The following PSD variants were observed in gnomAD, a reference collection of about 807,000 sequenced individuals.
PSD encodes pleckstrin and Sec7 domain containing.
PSD carries 32 observed loss-of-function variants against 91.6 expected under a neutral mutation model. That is an observed-to-expected ratio of 0.35 (90% CI 0.26 to 0.47). PSD has a LOEUF of 0.47. PSD is among the 20% of genes least tolerant of loss of function. The pLI, the probability that PSD is intolerant of heterozygous loss-of-function variation, is 1.00. For missense variants in PSD, 1,099 were observed against 1,373.9 expected (o/e 0.80, Z 3.16); for synonymous variants, 532 against 569.3 (o/e 0.93, Z 0.93).
At position 102,412,557 on chromosome 10, in the gene PSD, C is replaced by A. The variant is rs1181772651; in HGVS notation, c.1572G>T (p.Gln524His). The change falls in exon 6 of 17, where the codon CAG becomes CAT. Residue 524 changes from glutamine (Q) to histidine (H), a missense_variant. By Grantham distance (24) the Gln-to-His change is conservative (BLOSUM62 0). Coordinates refer to ENST00000020673, the MANE Select transcript of PSD (RefSeq NM_002779.5). ...APLGSEPPLSQLVSDSDSELD... is the reference protein window; with the variant it reads ...APLGSEPPLSHLVSDSDSELD... ...GCTCTGAGTCTGAGTCGGACACCAG[C>A]TGGCTCAGGGGTGGTTCGCTGCCGG... The A allele has an allele frequency of 1.2e-6, 2 of 1,613,026 alleles. No homozygotes were observed. The highest frequency in any genetic ancestry group is 1.7e-6 in the Non-Finnish European group (2 of 1,179,452).
In PSD at chr10:102,410,781, T is replaced by C; in HGVS notation, c.2091+77A>G. On this transcript the variant is annotated intron_variant, in intron 10 of 16. Coordinates refer to ENST00000020673, the MANE Select transcript of PSD (RefSeq NM_002779.5). This position sits in a 1 kb window ranked among gnomAD's most constrained non-coding sequence, Gnocchi z 6.0. The stretch of plus-strand genomic sequence containing the variant: ...CGGCAAGCCCCAGCCCTGCCCTCCC[T>C]CCGACTCTGGACTCCGTCGCCGACT... 3.0e-6 allele frequency: 2 copies of C among 670,892 alleles called. No homozygotes were observed. Among genetic ancestry groups the C allele is most frequent in the Non-Finnish European group, 5.3e-6 (2 of 380,074 alleles). The allele number at this position is 670,892 out of a possible 1,614,324, so 41.6% of individuals were successfully genotyped here.
chr10:102,405,790 A>ACC lies in PSD; in HGVS notation c.2136-255_2136-254insGG. The ACC allele has an allele frequency of 2.0e-6, 1 of 507,368 alleles. No homozygotes were observed. Among genetic ancestry groups the ACC allele is most frequent in the Non-Finnish European group, 3.6e-6 (1 of 281,568 alleles). 31.4% of individuals were successfully genotyped at this position (507,368 alleles called of 1,614,324 possible). On this transcript the variant is annotated intron_variant, in intron 11 of 16. Transcript: ENST00000020673. This position sits in a 1 kb window ranked among gnomAD's most constrained non-coding sequence, Gnocchi z 5.4. ...TCCCTTCCTCCCAGCAAGTAGGGCC[A>ACC]GCACTATCCTCTCCATTGCTGCACA...
rs75779120 is a variant in PSD at position 102,407,277 on chromosome 10, G to A, written c.2092-11C>T. The A allele has an allele frequency of 0.054, 85,057 of 1,569,784 alleles. 2,632 individuals carry two copies. The highest frequency in any genetic ancestry group is 0.072 in the Admixed American group (4,008 of 55,370). ...GGAGCTGTACAAGGCCTGGGGGGTG[G>A]GGGGAACAAATTAGGGGGTTGTGGG... is the stretch of plus-strand genomic sequence containing the variant. On this transcript the variant is annotated splice_polypyrimidine_tract_variant and intron_variant, in intron 10 of 16. Coordinates refer to ENST00000020673, the MANE Select transcript of PSD (RefSeq NM_002779.5).
In PSD at chr10:102,414,059, G is replaced by A. The variant is rs756148380; in HGVS notation, c.1263C>T (p.Thr421=). The part of the protein sequence containing the change: ...ESHRAKGTSY[T]SLASLEALAS... ...CCAAGGCCTCCAGCGAGGCGAGGCTGGTATAGGAGGTGCCTTTGGCCCGGT... is the reference window on the plus strand; with the variant it reads ...CCAAGGCCTCCAGCGAGGCGAGGCTAGTATAGGAGGTGCCTTTGGCCCGGT... The change falls in exon 5 of 17, where the codon ACC becomes ACT. Residue 421 remains threonine, a synonymous_variant. Transcript: ENST00000020673. The surrounding 1 kb of genome is among the most constrained non-coding windows in gnomAD (Gnocchi z 5.6). 1.9e-6 allele frequency: 3 copies of A among 1,614,122 alleles called. No homozygotes were observed. The Admixed American group carries it at 5.0e-5, about 27-fold the overall frequency.
chr10:102,408,259 A>T (rs1384360037), intron 10 of PSD, among the ~76,000 whole-genome samples: 1 of 152,096 alleles, frequency 6.6e-6, no homozygotes, highest in Non-Finnish European at 1.5e-5. Flanking sequence ...CTGTGATGGG[A>T]CACAGCCTCC....
chr10:102,413,920 A>C lies in PSD; in HGVS notation c.1402T>G (p.Ser468Ala). ...CCATCAGCAGCAGAGCTGGTACCAGAATCCGGTTCAAGAGGGGCAAGTGGG... is the reference window on the plus strand; with the variant it reads ...CCATCAGCAGCAGAGCTGGTACCAGCATCCGGTTCAAGAGGGGCAAGTGGG... ...PAPLAPLEPDSGTSSAADGPW... is the reference protein window; with the variant it reads ...PAPLAPLEPDAGTSSAADGPW... The change falls in exon 5 of 17, where the codon TCT (serine) becomes GCT (alanine). Residue 468 changes from serine to alanine, a missense_variant. This residue lies in a region of PSD where 631 missense variants were observed against 728.8 expected (regional missense o/e 0.87). Coordinates refer to ENST00000020673, the MANE Select transcript of PSD (RefSeq NM_002779.5). 6.2e-7 allele frequency: 1 copy of C among 1,613,872 alleles called. No homozygotes were observed. The highest frequency in any genetic ancestry group is 1.7e-5 in the Admixed American group (1 of 60,010).
In PSD at chr10:102,416,589, C is replaced by G. The variant is rs1589894627; in HGVS notation, c.450G>C (p.Arg150=). 1 of 1,593,312 alleles carries G rather than the reference C, an allele frequency of 6.3e-7. No individual in the cohort carries two copies. Among genetic ancestry groups the G allele is most frequent in the Admixed American group, 1.7e-5 (1 of 57,440 alleles). ...ALGPGSNRKL[R]LEASTSDPLP... Reference sequence around the variant, plus strand: ...GTGGGTCTGATGTGGATGCTTCCAGCCGTAACTTCCGGTTGGAGCCAGGCC... The same window carrying G: ...GTGGGTCTGATGTGGATGCTTCCAGGCGTAACTTCCGGTTGGAGCCAGGCC... Residue 150 remains arginine (R), a synonymous_variant, in exon 2 of 17, where the codon CGG becomes CGC. Transcript: ENST00000020673. The surrounding 1 kb of genome is among the most constrained non-coding windows in gnomAD (Gnocchi z 6.0).
At position 102,402,737 on chromosome 10, in the gene PSD, C is replaced by T. The variant is rs2061293152; in HGVS notation, c.*463G>A. 3.6e-6 allele frequency: 1 copy of T among 274,998 alleles called. No homozygotes were observed. The highest frequency in any genetic ancestry group is 6.9e-6 in the Non-Finnish European group (1 of 145,948). 17.0% of individuals were successfully genotyped at this position (274,998 alleles called of 1,614,324 possible). On this transcript the variant is annotated 3_prime_UTR_variant, in exon 17 of 17. Transcript: ENST00000020673. ...AGGTATGGGGCCTTGGCATGGACGC[C>T]CTTCCTCCACCTCCAGCAAGAGAAA...
chr10:102,415,857 T>C (rs2061472976), intron 3 of PSD, among the ~76,000 whole-genome samples, 160 bp downstream of exon 3: 1 of 152,166 alleles, frequency 6.6e-6, no homozygotes, highest in Non-Finnish European at 1.5e-5. Flanking sequence ...CAGCCTCCCA[T>C]CATAGCGCAG....
chr10:102,412,722 A>T, intron 5 of PSD, 147 bp from the exon 6 acceptor site: 1 of 708,428 alleles, frequency 1.4e-6, no homozygotes. Context: ...AGGGAAGGAG[A>T]TTAGATTCTC....
intron 8 of PSD, 30 bp from the exon 9 acceptor site, chr10:102,411,146 T>G: frequency 6.3e-7 from 1 of 1,585,696 alleles, no homozygotes; most frequent in Admixed American, 1.7e-5. Context: ...CAGCCTTGGC[T>G]GCCTCCCAGG....
rs12260430 is a variant in PSD at position 102,410,447 on chromosome 10, T to C, written c.2091+411A>G. Among the ~76,000 whole-genome samples the C allele has an allele frequency of 0.27, 40,408 of 152,138 alleles. 6,094 individuals carry two copies. The highest frequency in any genetic ancestry group is 0.4 in the African/African-American group (16,574 of 41,498). The stretch of plus-strand genomic sequence containing the variant: ...CAGCGCAGCAGCACCGGGAAGGTCT[T>C]TTTGGCTGTCCACGCGGCGGGGGAG... On this transcript the variant is annotated intron_variant, in intron 10 of 16. Coordinates refer to ENST00000020673, the MANE Select transcript of PSD (RefSeq NM_002779.5). This position sits in a 1 kb window ranked among gnomAD's most constrained non-coding sequence, Gnocchi z 6.0.
rs754885321 is a variant in PSD at position 102,416,972 on chromosome 10, G to A, written c.67C>T (p.Arg23Cys). Reference sequence around the variant, plus strand: ...ACCGGGCCTTCGGGGAGCCAGCGGCGTGGGCATCGTGGTGGGGAGATGGCA... The same window carrying A: ...ACCGGGCCTTCGGGGAGCCAGCGGCATGGGCATCGTGGTGGGGAGATGGCA... Reference protein sequence around the residue: ...DCAISPPRCPRRWLPEGPVPQ... With the variant: ...DCAISPPRCPCRWLPEGPVPQ... Residue 23 changes from arginine (R) to cysteine (C), a missense_variant, in exon 2 of 17, where the codon CGC becomes TGC. Physicochemically the swap from Arg to Cys is radical, Grantham distance 180. This residue lies in a region of PSD where 631 missense variants were observed against 728.8 expected (regional missense o/e 0.87). Transcript: ENST00000020673. The surrounding 1 kb of genome is among the most constrained non-coding windows in gnomAD (Gnocchi z 6.0). 16 of 1,600,162 alleles carry A rather than the reference G, an allele frequency of 1.0e-5. No individual in the cohort carries two copies. The Admixed American group carries it at 1.5e-4, about 15-fold the overall frequency.
rs776515896 is a variant in PSD at position 102,403,895 on chromosome 10, G to A, written c.2791C>T (p.Arg931Trp). 8.7e-6 allele frequency: 14 copies of A among 1,605,672 alleles called. No homozygotes were observed. Among genetic ancestry groups the A allele is most frequent in the Admixed American group, 6.8e-5 (4 of 58,902 alleles). The change falls in exon 16 of 17, where the codon CGG becomes TGG. Residue 931 changes from arginine (R) to tryptophan (W), a missense_variant. Arg to Trp is a moderately radical substitution (Grantham distance 101). Around this residue, in one of 3 missense-constraint regions of PSD, gnomAD observed 358 missense variants for 426.5 expected, o/e 0.84. Transcript: ENST00000020673. This position sits in a 1 kb window ranked among gnomAD's most constrained non-coding sequence, Gnocchi z 6.7. The stretch of plus-strand genomic sequence containing the variant: ...CGCTGCTCTTCAGCCTCCTTGCCCC[G>A]GCCCTTCTTGCCCAGCTGGGCGGCC... Reference protein sequence around the residue: ...HRAAQLGKKGRGKEAEEQRQK... With the variant: ...HRAAQLGKKGWGKEAEEQRQK...
chr10:102,417,107 G>C lies in PSD; in HGVS notation c.-69C>G. 1.1e-6 allele frequency: 1 copy of C among 871,996 alleles called. No individual in the cohort carries two copies. The highest frequency in any genetic ancestry group is 1.8e-6 in the Non-Finnish European group (1 of 562,880). 54.0% of individuals were successfully genotyped at this position (871,996 alleles called of 1,614,324 possible). ...CAGGCGGGGAGTAAGGGGGCTGCAT[G>C]CTCTTCAGACAGGCCTGTAAGAGAG... On this transcript the variant is annotated 5_prime_UTR_variant, in exon 2 of 17. Coordinates refer to ENST00000020673, the MANE Select transcript of PSD (RefSeq NM_002779.5).
upstream of PSD, chr10:102,419,114 C>T (rs1446777824): frequency 1.5e-5 from 4 of 265,046 alleles, no homozygotes; most frequent in African/African-American, 9.0e-5. This position sits in a 1 kb window ranked among gnomAD's most constrained non-coding sequence, Gnocchi z 4.8. Flanking sequence ...CCACGCGTGT[C>T]CCTAGGAGGC....
chr10:102,419,628 G>A, upstream of PSD: 1 of 156,952 alleles, frequency 6.4e-6, no homozygotes, highest in South Asian at 1.5e-4. This position sits in a 1 kb window ranked among gnomAD's most constrained non-coding sequence, Gnocchi z 4.8. Flanking sequence ...GCGCGAGGAC[G>A]TGCGAGGCGG....
At position 102,414,330 on chromosome 10, in the gene PSD, A is replaced by C; in HGVS notation, c.1125-133T>G. 1 of 918,602 alleles carries C rather than the reference A, an allele frequency of 1.1e-6. No individual in the cohort carries two copies. 56.9% of individuals were successfully genotyped at this position (918,602 alleles called of 1,614,324 possible). A position where few individuals can be genotyped will look rare whatever the true frequency, so the allele number is the denominator to read the frequency against. On this transcript the variant is annotated intron_variant, in intron 4 of 16. Coordinates refer to ENST00000020673, the MANE Select transcript of PSD (RefSeq NM_002779.5). This position sits in a 1 kb window ranked among gnomAD's most constrained non-coding sequence, Gnocchi z 5.6. The stretch of plus-strand genomic sequence containing the variant: ...TCACTGGCTCCAGCCCACTAACAAA[A>C]AAGAGCCTCTAGGGTAGGGCGCCAA...
Position 102,416,049 on chromosome 10 carries a change from A to T in PSD, c.725T>A (p.Phe242Tyr). ...GGGGGGGTCCAAGGAGCCATAGAAGAATTCCCATTTGGCTCTAGCGATTCT... is the reference window on the plus strand; with the variant it reads ...GGGGGGGTCCAAGGAGCCATAGAAGTATTCCCATTTGGCTCTAGCGATTCT... Reference protein sequence around the residue: ...AQRIARAKWEFFYGSLDPPSS... With the variant: ...AQRIARAKWEYFYGSLDPPSS... Residue 242 changes from phenylalanine (F) to tyrosine (Y), a missense_variant, in exon 3 of 17, where the codon TTC (phenylalanine) becomes TAC (tyrosine). Physicochemically the swap from Phe to Tyr is conservative, Grantham distance 22. Transcript: ENST00000020673. The surrounding 1 kb of genome is among the most constrained non-coding windows in gnomAD (Gnocchi z 6.0). The T allele has an allele frequency of 6.2e-7, 1 of 1,613,830 alleles. No homozygotes were observed. The highest frequency in any genetic ancestry group is 8.5e-7 in the Non-Finnish European group (1 of 1,179,882).
Sources: gnomAD v4.1 joint callset for allele counts (sites outside exome capture counted in the v4.1 genomes callset) on GRCh38, gnomAD v4.1.1 for gene constraint, gnomAD v4.1.1 regional missense constraint, Gnocchi (gnomAD v3.1) non-coding constraint, MANE v1.5 for transcripts, NCBI Gene and HGNC (gene_info 2026-07-23, HGNC 2026-07-21) for gene names.